Variants in MARCHF10 observed in about 807,000 individuals in gnomAD.
The protein encoded by MARCHF10 is membrane associated ring-CH-type finger 10, also known as probable E3 ubiquitin-protein ligase MARCHF10.
A neutral mutation model predicts 76.2 loss-of-function variants in MARCHF10; 64 were observed. That is an observed-to-expected ratio of 0.84 (90% CI 0.69 to 1.03). The LOEUF (loss-of-function observed/expected upper bound fraction) is 1.03, where lower values mean the gene tolerates loss of function less well. Among genes scored for constraint, MARCHF10 ranks in the 50% least tolerant of loss-of-function variants. MARCHF10 has a pLI of 0.00. For missense variants in MARCHF10, 875 were observed against 958.0 expected (o/e 0.91, Z 1.14); for synonymous variants, 340 against 357.5 (o/e 0.95, Z 0.55).
At position 62,759,955 on chromosome 17, in the gene MARCHF10, A is replaced by C. The variant is rs758109892; in HGVS notation, c.262T>G (p.Ser88Ala). The change falls in exon 4 of 11, where the codon TCT (serine) becomes GCT (alanine). Residue 88 changes from serine (S) to alanine (A), a missense_variant. Coordinates refer to ENST00000311269, the MANE Select transcript of MARCHF10 (RefSeq NM_152598.4). The part of the protein sequence containing the change: ...LTEPRSSIKI[S>A]AFKCDSKLPA... ...AGTTTGGAGTCACACTTAAATGCAG[A>C]TATCTTGATAGATGACCTTGGTTCA... 14 of 1,614,102 alleles carry C rather than the reference A, an allele frequency of 8.7e-6. No homozygotes were observed. The South Asian group carries it at 1.3e-4, about 15-fold the overall frequency.
intron 4 of MARCHF10, among the ~76,000 whole-genome samples, chr17:62,744,823 G>A (rs1297842003): frequency 1.3e-5 from 2 of 151,864 alleles, no homozygotes; most frequent in African/African-American, 4.8e-5. Context: ...AGACCAGCAT[G>A]GCCAACATGG....
intron 8 of MARCHF10, among the ~76,000 whole-genome samples, chr17:62,717,162 G>A (rs183694677): frequency 8.3e-4 from 127 of 152,352 alleles, no homozygotes; most frequent in African/African-American, 3.0e-3. Flanking sequence ...GGCTCCCTGG[G>A]GCCTGGGGTT....
intron 2 of MARCHF10, among the ~76,000 whole-genome samples, chr17:62,793,463 TCA>T (rs2092916592): frequency 2.1e-5 from 1 of 48,256 alleles, no homozygotes; most frequent in African/African-American, 9.2e-5. Flanking sequence ...ACCACCACCA[TCA>T]CCACCACCAT....
chr17:62,800,113 T>C (rs2093047426), intron 2 of MARCHF10, among the ~76,000 whole-genome samples: 1 of 152,182 alleles, frequency 6.6e-6, no homozygotes, highest in South Asian at 2.1e-4. Flanking sequence ...CCTCTTAATC[T>C]TAGAATAAGA....
intron 1 of MARCHF10, among the ~76,000 whole-genome samples, chr17:62,805,766 G>C (rs2093152959): frequency 6.6e-6 from 1 of 152,046 alleles, no homozygotes. Flanking sequence ...ACAAAAATTT[G>C]CTGGGCGTGG....
chr17:62,769,327 C>A (rs1053958404), intron 3 of MARCHF10, among the ~76,000 whole-genome samples: 1 of 152,116 alleles, frequency 6.6e-6, no homozygotes, highest in Non-Finnish European at 1.5e-5. Flanking sequence ...AGTATTTTAC[C>A]CAATGATTTT....
chr17:62,742,122 C>A (rs572168927), intron 5 of MARCHF10, among the ~76,000 whole-genome samples: 5 of 150,534 alleles, frequency 3.3e-5, no homozygotes, highest in Admixed American at 3.3e-4. Context: ...CAGGTTCAAG[C>A]GATTCTCTTG....
chr17:62,718,757 G>A (rs1354854021), intron 8 of MARCHF10, among the ~76,000 whole-genome samples: 1 of 152,142 alleles, frequency 6.6e-6, no homozygotes, highest in African/African-American at 2.4e-5. Flanking sequence ...CTTAGTGCCT[G>A]GTGGTTATGA....
intron 3 of MARCHF10, among the ~76,000 whole-genome samples, chr17:62,760,499 GAGACAGACTAATCTTTT>G (rs2092170285): frequency 6.6e-6 from 1 of 152,178 alleles, no homozygotes; most frequent in African/African-American, 2.4e-5. Flanking sequence ...GGTGCAACAC[GAGACAGACTAATCTTTT>G]AAAAAGTCCC....
intron 8 of MARCHF10, among the ~76,000 whole-genome samples, chr17:62,719,528 G>C (rs1447975719): frequency 6.6e-6 from 1 of 151,840 alleles, no homozygotes; most frequent in African/African-American, 2.4e-5. Context: ...CTTTAGGGAA[G>C]GTGTTTTTCC....
intron 9 of MARCHF10, chr17:62,707,308 A>G (rs1208179712): frequency 2.0e-5 from 3 of 152,818 alleles, no homozygotes; most frequent in Non-Finnish European, 4.4e-5. Context: ...CTCCCTGGCC[A>G]CACACCTCCC....
chr17:62,775,805 C>T (rs1390233195), intron 3 of MARCHF10, among the ~76,000 whole-genome samples: 2 of 140,536 alleles, frequency 1.4e-5, no homozygotes, highest in South Asian at 2.5e-4. Flanking sequence ...TGAATTTTAA[C>T]GTCTTTTCAA....
rs547500423 is a variant in MARCHF10 at position 62,711,521 on chromosome 17, C to T, written c.2215-177G>A. Among the ~76,000 whole-genome samples, 1 of 152,104 alleles carries T rather than the reference C, an allele frequency of 6.6e-6. No homozygotes were observed. Among genetic ancestry groups the T allele is most frequent in the Non-Finnish European group, 1.5e-5 (1 of 68,028 alleles). ...AGCAGGAGGAGATCCAGGGTAGAGG[C>T]CAGGGCAGCCACTCCCCTGGGATTT... On this transcript the variant is annotated intron_variant, in intron 8 of 10. Coordinates refer to ENST00000311269, the MANE Select transcript of MARCHF10 (RefSeq NM_152598.4). This position sits in a 1 kb window ranked among gnomAD's most constrained non-coding sequence, Gnocchi z 4.4.
At chr17:62,796,582 G>T (rs1306888564) in intron 2 of MARCHF10, among the ~76,000 whole-genome samples, 8 of 152,202 alleles carry the variant, frequency 5.3e-5, no homozygotes, top group Non-Finnish European at 1.2e-4. Flanking sequence ...TGATAGCCAA[G>T]TTAGGCAACA....
chr17:62,739,672 T>G (rs775498687), intron 5 of MARCHF10, among the ~76,000 whole-genome samples: 59 of 152,246 alleles, frequency 3.9e-4, no homozygotes, highest in Non-Finnish European at 6.9e-4. Flanking sequence ...TGAGCCACCG[T>G]GCCCGGCCGG....
chr17:62,764,712 G>A (rs567922862), intron 3 of MARCHF10, among the ~76,000 whole-genome samples: 1 of 152,258 alleles, frequency 6.6e-6, no homozygotes, highest in East Asian at 1.9e-4. Context: ...TTCTGGATAG[G>A]ACGGCTACCT....
At chr17:62,761,349 T>C (rs191448319) in intron 3 of MARCHF10, among the ~76,000 whole-genome samples, 100 of 152,342 alleles carry the variant, frequency 6.6e-4, no homozygotes, top group African/African-American at 2.3e-3. Context: ...CCTTTTCGAT[T>C]TTGCTATTTA....
At chr17:62,707,134 G>A (rs1410178842) in intron 9 of MARCHF10, among the ~76,000 whole-genome samples, 3 of 152,098 alleles carry the variant, frequency 2.0e-5, no homozygotes, top group Admixed American at 6.5e-5. Flanking sequence ...GCAGCCTCCC[G>A]GCTGGTTTCT....
chr17:62,757,304 A>G (rs139812598), intron 4 of MARCHF10, among the ~76,000 whole-genome samples: 5 of 152,318 alleles, frequency 3.3e-5, no homozygotes, highest in Admixed American at 2.0e-4. Flanking sequence ...CCAACTTTGT[A>G]TCACCCCCAA....
Sources: allele counts gnomAD v4.1 joint callset (sites outside exome capture counted in the v4.1 genomes callset), GRCh38; gene constraint gnomAD v4.1.1; non-coding constraint Gnocchi (gnomAD v3.1); transcripts MANE v1.5; gene names NCBI Gene and HGNC (gene_info 2026-07-23, HGNC 2026-07-21).